The following DLGAP2 variants were observed in gnomAD, a reference collection of about 807,000 sequenced individuals.
The protein encoded by DLGAP2 is DLG associated protein 2, also known as disks large-associated protein 2.
In DLGAP2, 26 loss-of-function variants were observed where a neutral mutation model predicts 100.3. The observed-to-expected ratio is 0.26, with a 90% CI of 0.19 to 0.36. DLGAP2 has a LOEUF of 0.36. DLGAP2 is among the 10% of genes least tolerant of loss of function. DLGAP2 has a pLI of 1.00. For synonymous variants in DLGAP2, 886 were observed against 630.1 expected (o/e 1.41, Z -6.08); for missense variants, 1,858 against 1,453.2 (o/e 1.28, Z -4.53).
At chr8:915,268 C>A (rs1441196407) in intron 2 of DLGAP2, among the ~76,000 whole-genome samples, 1 of 152,232 alleles carries the variant, frequency 6.6e-6, no homozygotes, top group Admixed American at 6.5e-5. Flanking sequence ...CATCACTGGG[C>A]TGGGCGCGGT....
intron 7 of DLGAP2, among the ~76,000 whole-genome samples, chr8:1,629,901 T>C (rs1188103932): frequency 1.3e-5 from 2 of 152,168 alleles, no homozygotes. Flanking sequence ...ATATACTAGT[T>C]CTCTCGTCAT....
chr8:1,164,620 G>A (rs992766804), intron 2 of DLGAP2, among the ~76,000 whole-genome samples: 1 of 151,902 alleles, frequency 6.6e-6, no homozygotes, highest in African/African-American at 2.4e-5. Context: ...AGAGGGAAGA[G>A]CCATGCTCAG....
intron 2 of DLGAP2, among the ~76,000 whole-genome samples, chr8:1,063,265 T>C (rs1318342221): frequency 6.6e-6 from 1 of 152,224 alleles, no homozygotes; most frequent in African/African-American, 2.4e-5. Flanking sequence ...TGGACTGTCC[T>C]CTGTTCTGTC....
chr8:1,224,966 A>G (rs745865281), intron 2 of DLGAP2, among the ~76,000 whole-genome samples: 1 of 152,236 alleles, frequency 6.6e-6, no homozygotes, highest in Non-Finnish European at 1.5e-5. Flanking sequence ...GGATATGGAC[A>G]AACTGAAATC....
At chr8:1,539,447 G>A (rs1212290782) in intron 4 of DLGAP2, among the ~76,000 whole-genome samples, 1 of 152,172 alleles carries the variant, frequency 6.6e-6, no homozygotes, top group Non-Finnish European at 1.5e-5. Context: ...TAATCTCGGT[G>A]CACTGGGAGA....
At chr8:1,181,446 T>C (rs1245169220) in intron 2 of DLGAP2, among the ~76,000 whole-genome samples, 1 of 152,166 alleles carries the variant, frequency 6.6e-6, no homozygotes, top group East Asian at 1.9e-4. Flanking sequence ...GATCTCATTC[T>C]TTTTAGTGGC....
rs563760893 is a variant in DLGAP2, at chr8:1,601,249, C to T, written c.1443-25491C>T. 1.2e-4 allele frequency among the ~76,000 whole-genome samples: 18 copies of T among 152,312 alleles called. No homozygotes were observed. In the South Asian group the frequency reaches 3.5e-3, roughly 30 times the overall value. The stretch of plus-strand genomic sequence containing the variant: ...TGCCTGTTCCTTCCTCTGGAAGCTT[C>T]GTCCCAGAGGGACTCCTGCCAGATG... On this transcript the variant is annotated intron_variant, in intron 6 of 14. Transcript: ENST00000637795.
chr8:1,598,515 G>C (rs1440570737), intron 6 of DLGAP2, among the ~76,000 whole-genome samples: 2 of 152,086 alleles, frequency 1.3e-5, no homozygotes, highest in Non-Finnish European at 2.9e-5. Flanking sequence ...TTGTTGGTAG[G>C]CTATTAATTA....
intron 3 of DLGAP2, among the ~76,000 whole-genome samples, chr8:1,370,789 C>A (rs1171154280): frequency 2.0e-5 from 3 of 152,196 alleles, no homozygotes; most frequent in Non-Finnish European, 2.9e-5. Flanking sequence ...ACTGCCTGGC[C>A]TGGGGCAAGT....
intron 1 of DLGAP2, among the ~76,000 whole-genome samples, chr8:803,105 C>T (rs547567551): frequency 2.0e-5 from 3 of 152,286 alleles, no homozygotes; most frequent in East Asian, 1.9e-4. Flanking sequence ...TTCTGGGCTC[C>T]GTGGCTCCCA....
intron 3 of DLGAP2, among the ~76,000 whole-genome samples, chr8:1,298,566 A>G (rs1412617809): frequency 6.6e-6 from 1 of 151,668 alleles, no homozygotes; most frequent in Non-Finnish European, 1.5e-5. Flanking sequence ...AGCGTGGGGG[A>G]CGGCTCAGTA....
At chr8:1,469,397 A>G (rs1322725124) in intron 3 of DLGAP2, among the ~76,000 whole-genome samples, 10 of 152,184 alleles carry the variant, frequency 6.6e-5, no homozygotes, top group East Asian at 1.9e-4. Context: ...CGTGGCCACC[A>G]TCTCCTCAGG....
chr8:1,499,639 T>C (rs1339098271), intron 3 of DLGAP2, among the ~76,000 whole-genome samples: 1 of 152,136 alleles, frequency 6.6e-6, no homozygotes, highest in Non-Finnish European at 1.5e-5. Context: ...CTTGAAGAAA[T>C]GGGGTTATGT....
chr8:1,513,902 T>C (rs1158676254), intron 4 of DLGAP2, among the ~76,000 whole-genome samples: 1 of 152,178 alleles, frequency 6.6e-6, no homozygotes, highest in Non-Finnish European at 1.5e-5. Flanking sequence ...CCTCCTTCAT[T>C]CATCCATCCA....
intron 3 of DLGAP2, among the ~76,000 whole-genome samples, chr8:1,284,407 G>C (rs553278382): frequency 4.6e-5 from 7 of 152,262 alleles, no homozygotes; most frequent in African/African-American, 1.7e-4. Flanking sequence ...GCAGCACGGA[G>C]AGGAGACAGT....
At chr8:778,942 C>T (rs55747715) in intron 1 of DLGAP2, among the ~76,000 whole-genome samples, 7 of 152,234 alleles carry the variant, frequency 4.6e-5, no homozygotes, top group East Asian at 1.9e-4. Context: ...CCCCCAGCCT[C>T]GCTGCCACCT....
intron 1 of DLGAP2, among the ~76,000 whole-genome samples, chr8:905,500 C>T (rs904252637): frequency 6.6e-6 from 1 of 152,134 alleles, no homozygotes; most frequent in Non-Finnish European, 1.5e-5. Context: ...ATAAAACAGG[C>T]CCTGGCAGAT....
At chr8:1,017,758 G>A (rs73176531) in intron 2 of DLGAP2, among the ~76,000 whole-genome samples, 39,438 of 152,164 alleles carry the variant, frequency 0.26, 6,081 homozygotes, top group East Asian at 0.35. Context: ...GGGGCCTGCC[G>A]TGGGCGGGTA....
chr8:1,180,847 A>G (rs554253893), intron 2 of DLGAP2, among the ~76,000 whole-genome samples: 1 of 148,638 alleles, frequency 6.7e-6, no homozygotes, highest in Non-Finnish European at 1.5e-5. Flanking sequence ...GTGCAAGGGC[A>G]GTACACTTAC....
Sources: allele counts gnomAD v4.1 joint callset (sites outside exome capture counted in the v4.1 genomes callset), GRCh38; gene constraint gnomAD v4.1.1; transcripts MANE v1.5; gene names NCBI Gene and HGNC (gene_info 2026-07-23, HGNC 2026-07-21).